GRM7: variants seen among roughly 807,000 people sequenced by gnomAD.
The protein encoded by GRM7 is metabotropic glutamate receptor 7.
In GRM7, 35 loss-of-function variants were observed where a neutral mutation model predicts 84.5. The observed-to-expected ratio is 0.41, with a 90% confidence interval of 0.32 to 0.55. GRM7 has a LOEUF of 0.55. Among genes scored for constraint, GRM7 ranks in the 20% least tolerant of loss-of-function variants. The pLI is 0.19. For missense variants in GRM7, 1,003 were observed against 1,194.6 expected (o/e 0.84, Z 2.36); for synonymous variants, 487 against 455.1 (o/e 1.07, Z -0.89).
At chr3:6,906,151 G>A (rs916318553) in intron 1 of GRM7, among the ~76,000 whole-genome samples, 8 of 152,194 alleles carry the variant, frequency 5.3e-5, no homozygotes, top group Non-Finnish European at 8.8e-5. Flanking sequence ...CTTGTCAGAT[G>A]ACGCCTCACT....
intron 9 of GRM7, among the ~76,000 whole-genome samples, chr3:7,718,538 G>T (rs1056382267): frequency 2.7e-4 from 41 of 152,128 alleles, no homozygotes; most frequent in Non-Finnish European, 5.7e-4. Context: ...CCAAAAAAGA[G>T]AAAATTATTC....
At chr3:7,350,836 G>A (rs932342986) in intron 4 of GRM7, among the ~76,000 whole-genome samples, 2 of 152,002 alleles carry the variant, frequency 1.3e-5, no homozygotes, top group Admixed American at 1.3e-4. Context: ...CCTGTCACAT[G>A]GACAGTTTCA....
intron 1 of GRM7, among the ~76,000 whole-genome samples, chr3:6,901,604 T>TAAAAAAAAAAAAAAAAAA (rs33945077): frequency 2.5e-4 from 10 of 40,498 alleles, no homozygotes; most frequent in African/African-American, 7.6e-4. Context: ...AGACTCCGTC[T>TAAAAAAAAAAAAAAAAAA]AAAAAAAAAA....
chr3:6,970,935 T>G (rs552006175), intron 1 of GRM7, among the ~76,000 whole-genome samples: 1 of 151,874 alleles, frequency 6.6e-6, no homozygotes, highest in Non-Finnish European at 1.5e-5. Context: ...TGAGCCAAGA[T>G]CGTACGACTA....
chr3:7,364,014 TA>T (rs1693775449), intron 4 of GRM7, among the ~76,000 whole-genome samples: 1 of 152,044 alleles, frequency 6.6e-6, no homozygotes, highest in Non-Finnish European at 1.5e-5. Flanking sequence ...GGGTGCTATG[TA>T]TATTATGGGT....
rs952210285 is a variant in GRM7, at chr3:7,461,515, C to T, written c.1376-68C>T. ...CCTCGTTAAGTCTCTAGCCTGTCAC[C>T]CATAGTACAAGAGATATAAGGAATC... On this transcript the variant is annotated intron_variant, in intron 6 of 9. Coordinates refer to ENST00000357716, the MANE Select transcript of GRM7 (RefSeq NM_000844.4). 2.9e-4 allele frequency: 378 copies of T among 1,298,624 alleles called. 1 individual carries two copies. The highest frequency in any genetic ancestry group is 1.9e-4 in the Non-Finnish European group (171 of 898,000). 80.4% of individuals were successfully genotyped at this position (1,298,624 alleles called of 1,614,324 possible).
intron 8 of GRM7, among the ~76,000 whole-genome samples, chr3:7,644,159 T>TATATATGTCTGTAC (rs1553630315): frequency 1.1e-4 from 8 of 73,916 alleles, no homozygotes; most frequent in African/African-American, 3.3e-4. Flanking sequence ...TGTACGTATA[T>TATATATGTCTGTAC]ATATATATGT....
chr3:7,237,696 T>C (rs937477578), intron 2 of GRM7, among the ~76,000 whole-genome samples: 5 of 152,112 alleles, frequency 3.3e-5, no homozygotes, highest in African/African-American at 9.7e-5. Flanking sequence ...AGATTTATTG[T>C]GAAGAGTGAA....
chr3:7,609,478 T>C (rs1696745999), intron 8 of GRM7, among the ~76,000 whole-genome samples: 1 of 152,154 alleles, frequency 6.6e-6, no homozygotes, highest in African/African-American at 2.4e-5. Context: ...AGAGGAGCTC[T>C]AGACCACAAG....
Position 7,029,582 on chromosome 3 carries a change from CAAAGGGT to C in GRM7, c.520-116867_520-116861del, listed in dbSNP as rs539066691. Among the ~76,000 whole-genome samples the C allele has an allele frequency of 3.8e-3, 583 of 152,228 alleles. 2 individuals are homozygous for C. Among genetic ancestry groups the C allele is most frequent in the Middle Eastern group, 0.01 (3 of 294 alleles). ...CACAAATGAACCTTGAAGTACCTTG[CAAAGGGT>C]AATAAGCCAGCTATAAAAGGACAAA... On this transcript the variant is annotated intron_variant, in intron 1 of 9. Transcript: ENST00000357716.
At chr3:7,690,903 A>G (rs993379475) in intron 9 of GRM7, 4 of 293,624 alleles carry the variant, frequency 1.4e-5, no homozygotes, top group African/African-American at 4.4e-5. Context: ...AACACTGTGT[A>G]TCCTAAACCA....
intron 8 of GRM7, among the ~76,000 whole-genome samples, chr3:7,595,488 T>C (rs149000131): frequency 2.0e-5 from 3 of 152,328 alleles, no homozygotes; most frequent in African/African-American, 7.2e-5. Context: ...GAGTATGTAA[T>C]ATATCAGTTG....
At chr3:7,654,807 G>C (rs557293682) in intron 8 of GRM7, among the ~76,000 whole-genome samples, 1 of 152,264 alleles carries the variant, frequency 6.6e-6, no homozygotes, top group Non-Finnish European at 1.5e-5. Flanking sequence ...TTGTTCTTAC[G>C]AAATACTATC....
intron 2 of GRM7, among the ~76,000 whole-genome samples, chr3:7,150,346 C>G (rs1694246569): frequency 6.6e-6 from 1 of 152,152 alleles, no homozygotes; most frequent in African/African-American, 2.4e-5. Flanking sequence ...CTCACCGTCA[C>G]AGTGCACCGA....
At chr3:6,876,969 T>G (rs1360704595) in intron 1 of GRM7, among the ~76,000 whole-genome samples, 1 of 152,186 alleles carries the variant, frequency 6.6e-6, no homozygotes, top group Non-Finnish European at 1.5e-5. Flanking sequence ...TATAATTTCC[T>G]CAGCTCTTTT....
chr3:7,011,611 G>A (rs529431695), intron 1 of GRM7, among the ~76,000 whole-genome samples: 2 of 152,144 alleles, frequency 1.3e-5, no homozygotes, highest in Non-Finnish European at 2.9e-5. Flanking sequence ...CTCAATGCCA[G>A]TGGTTTTAGC....
intron 2 of GRM7, among the ~76,000 whole-genome samples, chr3:7,222,707 G>A (rs6807260): frequency 0.11 from 16,035 of 152,168 alleles, 1,086 homozygotes; most frequent in Non-Finnish European, 0.16. Context: ...GTTTGTGGCA[G>A]CAAGAAATTA....
intron 7 of GRM7, among the ~76,000 whole-genome samples, chr3:7,565,313 G>A (rs948877985): frequency 3.3e-5 from 5 of 152,180 alleles, no homozygotes; most frequent in Non-Finnish European, 5.9e-5. Context: ...AATTACAATA[G>A]TGGACAAAGA....
intron 1 of GRM7, among the ~76,000 whole-genome samples, chr3:7,031,695 A>G (rs1000448495): frequency 3.9e-5 from 6 of 152,080 alleles, no homozygotes; most frequent in Admixed American, 3.3e-4. Flanking sequence ...CATTGCTACT[A>G]TTGTACGTTG....
Sources: gnomAD v4.1 joint callset for allele counts (sites outside exome capture counted in the v4.1 genomes callset) on GRCh38, gnomAD v4.1.1 for gene constraint, MANE v1.5 for transcripts, NCBI Gene and HGNC (gene_info 2026-07-23, HGNC 2026-07-21) for gene names.